PCDHGA7: variants seen among roughly 807,000 people sequenced by gnomAD.
PCDHGA7 encodes the protein protocadherin gamma-A7.
Under a neutral mutation model 58.3 loss-of-function variants are expected in PCDHGA7, and 44 were observed. The observed-to-expected ratio is 0.75, with a 90% CI of 0.59 to 0.97. PCDHGA7 has a LOEUF of 0.97. Among genes scored for constraint, PCDHGA7 ranks in the 50% least tolerant of loss-of-function variants. The pLI, the probability that PCDHGA7 is intolerant of heterozygous loss-of-function variation, is 0.00. For synonymous variants in PCDHGA7, 516 were observed against 504.2 expected (o/e 1.02, Z -0.31); for missense variants, 1,266 against 1,188.7 (o/e 1.06, Z -0.96).
At chr5:141,386,934 T>C (rs568938502) in intron 1 of PCDHGA7, among the ~76,000 whole-genome samples, 1 of 152,316 alleles carries the variant, frequency 6.6e-6, no homozygotes, top group Non-Finnish European at 1.5e-5. Flanking sequence ...AGTGCAGAGG[T>C]AGGAAGCAGT....
chr5:141,414,870 G>A (rs1325555474), intron 1 of PCDHGA7: 1 of 1,614,224 alleles, frequency 6.2e-7, no homozygotes, highest in Non-Finnish European at 8.5e-7. Context: ...ATGCGCCCGA[G>A]ATCCTGTACC....
chr5:141,395,559 T>TA (rs2093276349), intron 1 of PCDHGA7: 2 of 220,962 alleles, frequency 9.1e-6, no homozygotes, highest in Admixed American at 1.1e-4. Flanking sequence ...TGTGTGTGTG[T>TA]GTGTGTGTGT....
In PCDHGA7 at chr5:141,476,836, T is replaced by C. The variant is rs772607917; in HGVS notation, c.2425-17971T>C. On this transcript the variant is annotated intron_variant, in intron 1 of 3. Coordinates refer to ENST00000518325, the MANE Select transcript of PCDHGA7 (RefSeq NM_018920.4). The surrounding 1 kb of genome is among the most constrained non-coding windows in gnomAD (Gnocchi z 7.6). ...TCAAGGTGCTGGACGCGAATGACAATGCGCCTGTCTTCAACCAGTCCTTGT... is the reference window on the plus strand; with the variant it reads ...TCAAGGTGCTGGACGCGAATGACAACGCGCCTGTCTTCAACCAGTCCTTGT... 1.9e-6 allele frequency: 3 copies of C among 1,613,652 alleles called. 1 individual carries two copies. The highest frequency in any genetic ancestry group is 2.2e-5 in the East Asian group (1 of 44,852).
chr5:141,472,068 G>C (rs1050927364), intron 1 of PCDHGA7, among the ~76,000 whole-genome samples: 7 of 151,974 alleles, frequency 4.6e-5, no homozygotes, highest in Non-Finnish European at 8.8e-5. Context: ...CATGTCTGTG[G>C]TTATATCAAT....
At chr5:141,475,059 G>T (rs2099358742) in intron 1 of PCDHGA7, among the ~76,000 whole-genome samples, 1 of 152,180 alleles carries the variant, frequency 6.6e-6, no homozygotes, top group South Asian at 2.1e-4. Flanking sequence ...AAAGATTTGT[G>T]GAGCTTTGCT....
chr5:141,461,286 C>T (rs2099012487), intron 1 of PCDHGA7, among the ~76,000 whole-genome samples: 1 of 152,144 alleles, frequency 6.6e-6, no homozygotes, highest in Admixed American at 6.6e-5. Context: ...TTCCCCACAT[C>T]CACACCAACA....
At chr5:141,443,050 T>C (rs1290373918) in intron 1 of PCDHGA7, among the ~76,000 whole-genome samples, 1 of 152,236 alleles carries the variant, frequency 6.6e-6, no homozygotes, top group Non-Finnish European at 1.5e-5. Flanking sequence ...AAAATTATTG[T>C]TCCACTGAAG....
chr5:141,476,507 A>G lies in PCDHGA7; in HGVS notation c.2425-18300A>G. 1 of 1,614,102 alleles carries G rather than the reference A, an allele frequency of 6.2e-7. No individual in the cohort carries two copies. The highest frequency in any genetic ancestry group is 8.5e-7 in the Non-Finnish European group (1 of 1,180,008). On this transcript the variant is annotated intron_variant, in intron 1 of 3. Transcript: ENST00000518325. This position sits in a 1 kb window ranked among gnomAD's most constrained non-coding sequence, Gnocchi z 7.6. Reference sequence around the variant, plus strand: ...AGTGGTGATCCAGGACATCAACGACAACAATCCTGCTTTCCCTACCCAGGA... The same window carrying G: ...AGTGGTGATCCAGGACATCAACGACGACAATCCTGCTTTCCCTACCCAGGA...
intron 1 of PCDHGA7, chr5:141,403,193 A>G (rs1291009856): frequency 1.9e-6 from 3 of 1,613,986 alleles, no homozygotes; most frequent in South Asian, 2.2e-5. Context: ...GAACCCGCGC[A>G]GCGGCACCTT....
In PCDHGA7 at chr5:141,511,217, C is replaced by A. The variant is rs766814445; in HGVS notation, c.*44C>A. On this transcript the variant is annotated 3_prime_UTR_variant, in exon 4 of 4. Transcript: ENST00000518325. ...AGCCACAGGGCGGCCTCTCCCCAAC[C>A]AGCCCAGCTTCTCCTTACCTGCACC... The A allele has an allele frequency of 2.5e-6, 4 of 1,607,588 alleles. No homozygotes were observed. Among genetic ancestry groups the A allele is most frequent in the Non-Finnish European group, 3.4e-6 (4 of 1,177,026 alleles).
chr5:141,388,397 A>C, intron 1 of PCDHGA7: 1 of 1,613,956 alleles, frequency 6.2e-7, no homozygotes, highest in Non-Finnish European at 8.5e-7. Context: ...AGAATTACCA[A>C]CTCAGTCCCA....
At position 141,511,410 on chromosome 5, in the gene PCDHGA7, T is replaced by A; in HGVS notation, c.*237T>A. The stretch of plus-strand genomic sequence containing the variant: ...GGAACCCCCATCCAATCAACTGCTG[T>A]ACCCATGGGGGTAGTGGGGTTACTG... On this transcript the variant is annotated 3_prime_UTR_variant, in exon 4 of 4. Coordinates refer to ENST00000518325, the MANE Select transcript of PCDHGA7 (RefSeq NM_018920.4). 1 of 908,820 alleles carries A rather than the reference T, an allele frequency of 1.1e-6. No individual in the cohort carries two copies. The highest frequency in any genetic ancestry group is 1.6e-6 in the Non-Finnish European group (1 of 624,202). 56.3% of individuals were successfully genotyped at this position (908,820 alleles called of 1,614,324 possible). A position where few individuals can be genotyped will look rare whatever the true frequency, so the allele number is the denominator to read the frequency against.
chr5:141,396,525 C>T (rs2093390810), intron 1 of PCDHGA7: 1 of 151,326 alleles, frequency 6.6e-6, no homozygotes, highest in Non-Finnish European at 1.5e-5. Context: ...GAGGCTGAGG[C>T]AGAAGAATCA....
chr5:141,451,523 A>G (rs1035983001), intron 1 of PCDHGA7, among the ~76,000 whole-genome samples: 1 of 152,200 alleles, frequency 6.6e-6, no homozygotes, highest in African/African-American at 2.4e-5. Flanking sequence ...AGAGCAAGTA[A>G]AGGAGAGTGC....
At chr5:141,414,143 T>C (rs887054185) in intron 1 of PCDHGA7, 1 of 1,597,122 alleles carries the variant, frequency 6.3e-7, no homozygotes, top group Non-Finnish European at 8.5e-7. Flanking sequence ...GAAATAGAAA[T>C]ACAAGCAGAA....
Position 141,382,954 on chromosome 5 carries a change from C to T in PCDHGA7, c.55C>T (p.Leu19Phe). ...CAGAGGATTCTTCCTGCTCTCCATC[C>T]TCCTGGGGACCCCCTGGGAAGCCTG... The part of the protein sequence containing the change: ...DYRGFFLLSI[L>F]LGTPWEAWAG... The change falls in exon 1 of 4, where the codon CTC (leucine) becomes TTC (phenylalanine). Residue 19 changes from leucine to phenylalanine, a missense_variant. Leu to Phe is a conservative substitution (Grantham distance 22, BLOSUM62 0). Coordinates refer to ENST00000518325, the MANE Select transcript of PCDHGA7 (RefSeq NM_018920.4). The T allele has an allele frequency of 6.2e-7, 1 of 1,604,450 alleles. No individual in the cohort carries two copies. The highest frequency in any genetic ancestry group is 2.2e-5 in the East Asian group (1 of 44,648).
intron 2 of PCDHGA7, 114 bp from the exon 3 acceptor site, chr5:141,505,279 C>A (rs780513022): frequency 1.3e-6 from 2 of 1,541,274 alleles, no homozygotes; most frequent in Non-Finnish European, 1.7e-6. Flanking sequence ...AGAAACAGGT[C>A]TTGGGCATGG....
At chr5:141,417,129 T>C (rs887933624) in intron 1 of PCDHGA7, 2 of 152,218 alleles carry the variant, frequency 1.3e-5, no homozygotes, top group South Asian at 2.1e-4. Context: ...TGGATGATGG[T>C]AATGACTAGG....
rs140088812 is a variant in PCDHGA7, at chr5:141,489,695, T to C, written c.2425-5112T>C. The C allele has an allele frequency of 6.2e-7, 1 of 1,614,088 alleles. No homozygotes were observed. The highest frequency in any genetic ancestry group is 1.3e-5 in the African/African-American group (1 of 75,026). On this transcript the variant is annotated intron_variant, in intron 1 of 3. Transcript: ENST00000518325. This position sits in a 1 kb window ranked among gnomAD's most constrained non-coding sequence, Gnocchi z 4.5. ...GAATCAGCAGCATCTGGGGCACGAT[T>C]CCCACTGGACAGTGCCCAGGATCCG...
Sources: gnomAD v4.1 joint callset for allele counts (sites outside exome capture counted in the v4.1 genomes callset) on GRCh38, gnomAD v4.1.1 for gene constraint, Gnocchi (gnomAD v3.1) non-coding constraint, MANE v1.5 for transcripts, NCBI Gene and HGNC (gene_info 2026-07-23, HGNC 2026-07-21) for gene names.